LGR5: variants seen among roughly 807,000 people sequenced by gnomAD.
LGR5 encodes leucine rich repeat containing G protein-coupled receptor 5.
In LGR5, 54 loss-of-function variants were observed where a neutral mutation model predicts 76.7. That is an observed-to-expected ratio of 0.70 (90% CI 0.57 to 0.88). The LOEUF is 0.88. LGR5 is among the 40% of genes least tolerant of loss of function. LGR5 has a pLI of 0.00. For missense variants in LGR5, 1,078 were observed against 1,073.3 expected (o/e 1.00, Z -0.06); for synonymous variants, 406 against 421.9 (o/e 0.96, Z 0.46).
intron 11 of LGR5, chr12:71,571,287 CTATT>C (rs150912288): frequency 2.8e-4 from 103 of 367,662 alleles, no homozygotes; most frequent in Middle Eastern, 7.4e-4. Context: ...ATTAAGTAAA[CTATT>C]TAAATCAATT....
intron 1 of LGR5, among the ~76,000 whole-genome samples, chr12:71,444,197 A>G (rs570025906): frequency 1.8e-3 from 271 of 152,220 alleles, no homozygotes; most frequent in Non-Finnish European, 3.1e-3. Context: ...AATGATTACA[A>G]AAATAGTAAC....
intron 1 of LGR5, among the ~76,000 whole-genome samples, chr12:71,483,970 G>A (rs1873721325): frequency 6.6e-6 from 1 of 152,082 alleles, no homozygotes; most frequent in Admixed American, 6.6e-5. Flanking sequence ...ATCAAAATGA[G>A]AAAACAGAAA....
intron 1 of LGR5, 92 bp from the exon 2 acceptor site, chr12:71,504,522 A>G: frequency 1.1e-6 from 1 of 944,798 alleles, no homozygotes; most frequent in East Asian, 2.4e-5. Context: ...AGTTCATTTT[A>G]CTGTATTGTT....
chr12:71,461,478 C>T (rs192556953), intron 1 of LGR5, among the ~76,000 whole-genome samples: 16 of 152,230 alleles, frequency 1.1e-4, no homozygotes, highest in South Asian at 4.1e-4. Flanking sequence ...CCTCTATTTC[C>T]GCCTTTTAGT....
rs367943793 is a variant in LGR5, at chr12:71,559,587, G to T, written c.718G>T (p.Asp240Tyr). Residue 240 changes from aspartate (D) to tyrosine (Y), a missense_variant and splice_region_variant, in exon 7 of 18, where the codon GAT becomes TAT. By Grantham distance (160) the Asp-to-Tyr change is radical. Transcript: ENST00000266674. Reference sequence around the variant, plus strand: ...AAAATACTATGTACTCATTTTCAGAGATTTAAATTACAATAACCTTGATGA... The same window carrying T: ...AAAATACTATGTACTCATTTTCAGATATTTAAATTACAATAACCTTGATGA... Reference protein sequence around the residue: ...FDGLHSLETLDLNYNNLDEFP... With the variant: ...FDGLHSLETLYLNYNNLDEFP... 6.6e-7 allele frequency: 1 copy of T among 1,520,118 alleles called. No individual in the cohort carries two copies. Among genetic ancestry groups the T allele is most frequent in the South Asian group, 1.1e-5 (1 of 88,838 alleles). 94.2% of individuals were successfully genotyped at this position (1,520,118 alleles called of 1,614,324 possible).
intron 2 of LGR5, among the ~76,000 whole-genome samples, chr12:71,506,577 C>T (rs929140194): frequency 1.3e-4 from 20 of 152,076 alleles, no homozygotes; most frequent in Admixed American, 1.3e-4. Flanking sequence ...TTATTTTTAT[C>T]TCTCTGGAAA....
At chr12:71,531,222 A>T (rs1471560031) in intron 3 of LGR5, among the ~76,000 whole-genome samples, 1 of 152,206 alleles carries the variant, frequency 6.6e-6, no homozygotes, top group Non-Finnish European at 1.5e-5. Flanking sequence ...GTATCTTTAT[A>T]TTGCATGTAC....
chr12:71,529,292 C>G (rs1470260624), intron 3 of LGR5, among the ~76,000 whole-genome samples: 1 of 152,064 alleles, frequency 6.6e-6, no homozygotes, highest in Non-Finnish European at 1.5e-5. Context: ...GGGGAGGCCT[C>G]GGGAAACTTA....
intron 2 of LGR5, among the ~76,000 whole-genome samples, chr12:71,517,104 G>T (rs1275923815): frequency 5.9e-5 from 9 of 152,022 alleles, no homozygotes; most frequent in Non-Finnish European, 1.0e-4. Flanking sequence ...CAACAAAGGT[G>T]TGTGTGTTTC....
chr12:71,490,167 T>G lies in LGR5; in HGVS notation c.213-14447T>G, dbSNP rs188796849. Among the ~76,000 whole-genome samples the G allele has an allele frequency of 2.0e-5, 3 of 151,556 alleles. No homozygotes were observed. In the East Asian group the frequency reaches 5.8e-4, roughly 29 times the overall value. ...AAACCCATAAAAATCAAATAGTAACTATTTGGTTTTGGCTATATGACAAGG... is the reference window on the plus strand; with the variant it reads ...AAACCCATAAAAATCAAATAGTAACGATTTGGTTTTGGCTATATGACAAGG... On this transcript the variant is annotated intron_variant, in intron 1 of 17. Transcript: ENST00000266674.
intron 7 of LGR5, among the ~76,000 whole-genome samples, chr12:71,560,729 A>G (rs1010904484): frequency 2.0e-5 from 3 of 152,174 alleles, no homozygotes; most frequent in Non-Finnish European, 4.4e-5. Flanking sequence ...AGGGGCGGTG[A>G]TTGCAGTGAG....
At chr12:71,549,759 G>C (rs963425971) in intron 4 of LGR5, among the ~76,000 whole-genome samples, 1 of 152,196 alleles carries the variant, frequency 6.6e-6, no homozygotes, top group Non-Finnish European at 1.5e-5. Flanking sequence ...CTGTTTAGTA[G>C]AGAGATGTGT....
intron 4 of LGR5, among the ~76,000 whole-genome samples, chr12:71,545,538 A>G (rs1042977316): frequency 2.6e-5 from 4 of 152,220 alleles, no homozygotes; most frequent in African/African-American, 9.6e-5. Flanking sequence ...TCTGTTTATT[A>G]CAAGAATCCC....
At chr12:71,520,883 T>C (rs1478582670) in intron 2 of LGR5, among the ~76,000 whole-genome samples, 4 of 152,084 alleles carry the variant, frequency 2.6e-5, no homozygotes, top group Admixed American at 6.6e-5. Flanking sequence ...GAAAAATCTC[T>C]AGACAGGCAG....
At chr12:71,561,338 A>G (rs1224666760) in intron 7 of LGR5, among the ~76,000 whole-genome samples, 2 of 152,226 alleles carry the variant, frequency 1.3e-5, no homozygotes, top group Non-Finnish European at 2.9e-5. Flanking sequence ...TCTTCAAGTC[A>G]GAAAATTTTG....
chr12:71,473,699 TAA>T (rs1873198104), intron 1 of LGR5, among the ~76,000 whole-genome samples: 1 of 151,928 alleles, frequency 6.6e-6, no homozygotes. Flanking sequence ...AGTGATAATT[TAA>T]GTCATCCTTA....
intron 1 of LGR5, among the ~76,000 whole-genome samples, chr12:71,446,835 A>G (rs1343608377): frequency 6.6e-6 from 1 of 152,232 alleles, no homozygotes; most frequent in African/African-American, 2.4e-5. Context: ...CCAATATTAC[A>G]AATTTAGTAG....
chr12:71,546,317 A>AGT (rs1555173455), intron 4 of LGR5, among the ~76,000 whole-genome samples: 1 of 148,816 alleles, frequency 6.7e-6, no homozygotes, highest in East Asian at 2.0e-4. Flanking sequence ...TCAGTCTCAA[A>AGT]ATATATATAT....
At chr12:71,507,397 AG>A (rs1186930259) in intron 2 of LGR5, among the ~76,000 whole-genome samples, 2 of 152,012 alleles carry the variant, frequency 1.3e-5, no homozygotes, top group African/African-American at 4.8e-5. Context: ...CTATAAACTG[AG>A]TTGTGTAATG....
Sources: allele counts gnomAD v4.1 joint callset (sites outside exome capture counted in the v4.1 genomes callset), GRCh38; gene constraint gnomAD v4.1.1; transcripts MANE v1.5; gene names NCBI Gene and HGNC (gene_info 2026-07-23, HGNC 2026-07-21).